SPOCD1: variants seen among roughly 807,000 people sequenced by gnomAD.
SPOCD1 encodes the protein SPOC domain-containing protein 1.
SPOCD1 carries 64 observed loss-of-function variants against 92.2 expected under a neutral mutation model. The observed-to-expected ratio is 0.69, with a 90% CI of 0.57 to 0.86. The LOEUF (loss-of-function observed/expected upper bound fraction) is 0.86, where lower values mean the gene tolerates loss of function less well. SPOCD1 is among the 40% of genes least tolerant of loss of function. SPOCD1 has a pLI of 0.00. For synonymous variants in SPOCD1, 578 were observed against 619.3 expected (o/e 0.93, Z 0.99); for missense variants, 1,360 against 1,543.1 (o/e 0.88, Z 1.99).
Position 31,814,795 on chromosome 1 carries a change from CT to C in SPOCD1, c.538del (p.Arg180GlufsTer15), listed in dbSNP as rs1649446028. On this transcript the variant is annotated frameshift_variant, in exon 2 of 16. Coordinates refer to ENST00000360482, the MANE Select transcript of SPOCD1 (RefSeq NM_144569.7). LOFTEE classifies it high-confidence loss of function. This position sits in a 1 kb window ranked among gnomAD's most constrained non-coding sequence, Gnocchi z 4.2. Reference sequence around the variant, plus strand: ...CTCCTCTTTGCTGAGTGTGGGGCTTCTTCTGTCACACCCTGGAGAACTCATT... The same window carrying C: ...CTCCTCTTTGCTGAGTGTGGGGCTTCTCTGTCACACCCTGGAGAACTCATT... The part of the protein sequence containing the change: ...GGMSSPGCDR[R>X]SPTLSKEEPP... 1 of 1,613,222 alleles carries C rather than the reference CT, an allele frequency of 6.2e-7. No individual in the cohort carries two copies. The highest frequency in any genetic ancestry group is 1.1e-5 in the South Asian group (1 of 91,032).
rs774818084 is a variant in SPOCD1 at position 31,798,247 on chromosome 1, G to T, written c.2105C>A (p.Pro702His). The change falls in exon 9 of 16, where the codon CCC becomes CAC. Residue 702 changes from proline to histidine, a missense_variant. Pro to His is a moderately conservative substitution (Grantham distance 77, BLOSUM62 -2). Transcript: ENST00000360482. The surrounding 1 kb of genome is among the most constrained non-coding windows in gnomAD (Gnocchi z 4.1). ...GTCCCGCCAGCGGGCCAGCTCCTGG[G>T]GGGCCAGCTGCATCGAGCTCATCCG... ...LVRMSSMQLAPQELARWRDQE... is the reference protein window; with the variant it reads ...LVRMSSMQLAHQELARWRDQE... The T allele has an allele frequency of 6.2e-7, 1 of 1,614,104 alleles. No homozygotes were observed.
Position 31,815,328 on chromosome 1 carries a change from G to T in SPOCD1, c.6C>A (p.Ser2=). 3 of 1,537,958 alleles carry T rather than the reference G, an allele frequency of 2.0e-6. No homozygotes were observed. Among genetic ancestry groups the T allele is most frequent in the Non-Finnish European group, 2.6e-6 (3 of 1,139,400 alleles). Residue 2 remains serine, a synonymous_variant, in exon 2 of 16, where the codon TCC becomes TCA. Coordinates refer to ENST00000360482, the MANE Select transcript of SPOCD1 (RefSeq NM_144569.7). ...TGGGGCCTTCTACGTCCCCCGCCTG[G>T]GACATGTCTGTCCACCTACCTGGGC... M[S]QAGDVEGPST...
chr1:31,808,341 A>T (rs1057273294), intron 2 of SPOCD1, among the ~76,000 whole-genome samples: 9 of 150,180 alleles, frequency 6.0e-5, no homozygotes, highest in African/African-American at 2.2e-4. Context: ...TTAATATTTA[A>T]AAAAAAAAAC....
intron 1 of SPOCD1, 42 bp from the exon 2 acceptor site, chr1:31,815,414 C>T (rs1404207432): frequency 2.8e-6 from 4 of 1,406,924 alleles, no homozygotes; most frequent in Admixed American, 2.5e-5. Flanking sequence ...TTGGAGAGTC[C>T]GACCTGTCAG....
chr1:31,794,038 A>G, intron 11 of SPOCD1, 86 bp downstream of exon 11: 1 of 1,523,046 alleles, frequency 6.6e-7, no homozygotes, highest in South Asian at 1.2e-5. Flanking sequence ...CCCTCTCCCC[A>G]GGCCACAAAT....
At position 31,798,990 on chromosome 1, in the gene SPOCD1, C is replaced by A. The variant is rs1648234770; in HGVS notation, c.1869-389G>T. 6.6e-6 allele frequency among the ~76,000 whole-genome samples: 1 copy of A among 152,190 alleles called. No individual in the cohort carries two copies. Among genetic ancestry groups the A allele is most frequent in the African/African-American group, 2.4e-5 (1 of 41,506 alleles). ...TCAGGGGGAGAGAATGGAGCCCTGG[C>A]CCTCGGTGTCATCTGTCATTGACTT... On this transcript the variant is annotated intron_variant, in intron 7 of 15. Coordinates refer to ENST00000360482, the MANE Select transcript of SPOCD1 (RefSeq NM_144569.7). The surrounding 1 kb of genome is among the most constrained non-coding windows in gnomAD (Gnocchi z 4.1).
Position 31,790,926 on chromosome 1 carries a change from GC to G in SPOCD1, c.3327del (p.Gln1110SerfsTer17). The G allele has an allele frequency of 6.3e-7, 1 of 1,577,346 alleles. No homozygotes were observed. Among genetic ancestry groups the G allele is most frequent in the Non-Finnish European group, 8.6e-7 (1 of 1,163,148 alleles). ...EPENWQHPGR[G>X]QWPPEPGLRQ... ...CGCAAGCCTGGCTCTGGGGGCCACT[GC>G]CCTCGCCCAGGATGCTGCCAGTTTT... On this transcript the variant is annotated frameshift_variant, in exon 16 of 16. Transcript: ENST00000360482. LOFTEE classifies it low-confidence loss of function (END_TRUNC).
chr1:31,792,840 C>A, intron 13 of SPOCD1, 73 bp from the exon 14 acceptor site: 1 of 1,212,262 alleles, frequency 8.2e-7, no homozygotes, highest in Non-Finnish European at 1.2e-6. Context: ...TCCCAGCCAC[C>A]TGGAAGGCTG....
chr1:31,809,809 T>C (rs978847938), intron 2 of SPOCD1, among the ~76,000 whole-genome samples: 2 of 152,174 alleles, frequency 1.3e-5, no homozygotes, highest in African/African-American at 2.4e-5. Context: ...CCTGTGTTGA[T>C]AAAGTTCCTT....
intron 2 of SPOCD1, among the ~76,000 whole-genome samples, chr1:31,813,543 G>A (rs989507900): frequency 1.3e-5 from 2 of 152,200 alleles, no homozygotes; most frequent in African/African-American, 4.8e-5. Context: ...GATTACAGGC[G>A]TGAGCCACTG....
rs1570166279 is a variant in SPOCD1 at position 31,798,749 on chromosome 1, A to C, written c.1869-148T>G. ...TCCCTGCAGGAACCTACTTATTCTC[A>C]CCCCAACTCCGTGAGGAGGAAATAG... On this transcript the variant is annotated intron_variant, in intron 7 of 15. Coordinates refer to ENST00000360482, the MANE Select transcript of SPOCD1 (RefSeq NM_144569.7). The surrounding 1 kb of genome is among the most constrained non-coding windows in gnomAD (Gnocchi z 4.1). The C allele has an allele frequency of 9.2e-6, 7 of 758,058 alleles. No homozygotes were observed. Among genetic ancestry groups the C allele is most frequent in the African/African-American group, 1.8e-5 (1 of 56,946 alleles). 47.0% of individuals were successfully genotyped at this position (758,058 alleles called of 1,614,324 possible).
intron 2 of SPOCD1, among the ~76,000 whole-genome samples, chr1:31,806,874 GT>G (rs1557828392): frequency 2.0e-5 from 3 of 151,920 alleles, no homozygotes; most frequent in African/African-American, 7.3e-5. Context: ...TTAATGAAAT[GT>G]TTACTTTTTT....
At chr1:31,796,474 C>A (rs1339295548) in intron 10 of SPOCD1, 116 bp downstream of exon 10, 1 of 1,517,646 alleles carries the variant, frequency 6.6e-7, no homozygotes, top group Admixed American at 1.8e-5. Flanking sequence ...TTATCACAAA[C>A]AAGGTGGGCC....
chr1:31,800,411 C>T, intron 4 of SPOCD1, 30 bp downstream of exon 4: 2 of 1,524,140 alleles, frequency 1.3e-6, no homozygotes, highest in Non-Finnish European at 1.8e-6. Context: ...CCTCTCTCAG[C>T]AGGATTAAAT....
chr1:31,792,124 G>A, intron 15 of SPOCD1, 91 bp downstream of exon 15: 1 of 1,415,628 alleles, frequency 7.1e-7, no homozygotes, highest in East Asian at 2.5e-5. Context: ...TCTGAGATGT[G>A]CCTGCCTCTA....
intron 2 of SPOCD1, among the ~76,000 whole-genome samples, chr1:31,807,319 G>A (rs1648886985): frequency 7.7e-6 from 1 of 130,290 alleles, no homozygotes; most frequent in South Asian, 2.8e-4. Flanking sequence ...AAGCTGGGAG[G>A]TGGAGGCTGC....
In SPOCD1 at chr1:31,793,862, C is replaced by T. The variant is rs1319828991; in HGVS notation, c.2419G>A (p.Glu807Lys). ...TTGTCCCCGCAGCTCTTGGCGGCTT[C>T]GAAGGAGCCTAGCAGCTCATTCGAG... The part of the protein sequence containing the change: ...EPSNELLGSF[E>K]AAKSCGDNIF... The change falls in exon 12 of 16, where the codon GAA becomes AAA. Residue 807 changes from glutamate (E) to lysine (K), a missense_variant. By Grantham distance (56) the Glu-to-Lys change is moderately conservative. Transcript: ENST00000360482. The T allele has an allele frequency of 4.3e-6, 7 of 1,613,920 alleles. No homozygotes were observed. The highest frequency in any genetic ancestry group is 2.7e-5 in the African/African-American group (2 of 74,930).
In SPOCD1 at chr1:31,799,700, T is replaced by C. The variant is rs985641140; in HGVS notation, c.1783+109A>G. On this transcript the variant is annotated intron_variant, in intron 6 of 15. Transcript: ENST00000360482. The stretch of plus-strand genomic sequence containing the variant: ...GGAGGAGCTATAGGCTGATGGGATG[T>C]GGGGAGAGAAGAATCATAGCAGGGG... The C allele has an allele frequency of 2.9e-6, 4 of 1,367,644 alleles. No individual in the cohort carries two copies. The African/African-American group carries it at 4.3e-5, about 15-fold the overall frequency. The allele number at this position is 1,367,644 out of a possible 1,614,324, so 84.7% of individuals were successfully genotyped here. A position where few individuals can be genotyped will look rare whatever the true frequency, so the allele number is the denominator to read the frequency against.
intron 3 of SPOCD1, among the ~76,000 whole-genome samples, chr1:31,801,287 G>A (rs1162785764): frequency 1.3e-5 from 2 of 152,202 alleles, no homozygotes; most frequent in Non-Finnish European, 2.9e-5. Context: ...TTCCAGGATT[G>A]GTAGAGAGCA....
Sources: gnomAD v4.1 joint callset for allele counts (sites outside exome capture counted in the v4.1 genomes callset) on GRCh38, gnomAD v4.1.1 for gene constraint, Gnocchi (gnomAD v3.1) non-coding constraint, MANE v1.5 for transcripts, NCBI Gene and HGNC (gene_info 2026-07-23, HGNC 2026-07-21) for gene names.